Variants in UNC79 observed in about 807,000 individuals in gnomAD.
UNC79 encodes protein unc-79 homolog.
A neutral mutation model predicts 283.1 loss-of-function variants in UNC79; 37 were observed. That is an observed-to-expected ratio of 0.13 (90% CI 0.10 to 0.17). The LOEUF (loss-of-function observed/expected upper bound fraction) is 0.17, where lower values mean the gene tolerates loss of function less well. UNC79 is among the 10% of genes least tolerant of loss of function. The pLI is 1.00. For synonymous variants in UNC79, 1,107 were observed against 1,200.2 expected (o/e 0.92, Z 1.61); for missense variants, 2,272 against 3,211.1 (o/e 0.71, Z 7.07).
intron 1 of UNC79, among the ~76,000 whole-genome samples, chr14:93,380,223 T>C (rs950309769): frequency 6.6e-6 from 1 of 152,202 alleles, no homozygotes; most frequent in East Asian, 1.9e-4. Context: ...AACCAAGATA[T>C]AATATTCAAT....
intron 1 of UNC79, among the ~76,000 whole-genome samples, chr14:93,403,892 T>G (rs1225675804): frequency 6.6e-6 from 1 of 150,914 alleles, no homozygotes; most frequent in Non-Finnish European, 1.5e-5. Context: ...TTTTTTGAGA[T>G]GGAGTGAGCT....
intron 32 of UNC79, among the ~76,000 whole-genome samples, chr14:93,638,766 C>T (rs1047280951): frequency 2.0e-5 from 3 of 152,174 alleles, no homozygotes; most frequent in Non-Finnish European, 4.4e-5. Context: ...TAGGGACTGC[C>T]TTTAACATTG....
intron 40 of UNC79, among the ~76,000 whole-genome samples, chr14:93,666,953 C>T (rs2072269063): frequency 6.6e-6 from 1 of 151,836 alleles, no homozygotes; most frequent in Non-Finnish European, 1.5e-5. Flanking sequence ...AAAAATAAAA[C>T]AATTAGCCAG....
intron 1 of UNC79, among the ~76,000 whole-genome samples, chr14:93,400,750 G>A (rs1290840815): frequency 6.6e-6 from 1 of 152,078 alleles, no homozygotes; most frequent in Non-Finnish European, 1.5e-5. Flanking sequence ...AGAGTGGAGT[G>A]AGAGCAGTAC....
intron 24 of UNC79, among the ~76,000 whole-genome samples, chr14:93,600,202 AAAAC>A (rs2065401019): frequency 1.3e-5 from 2 of 152,330 alleles, no homozygotes; most frequent in African/African-American, 4.8e-5. Flanking sequence ...TTCATCTCAA[AAAAC>A]AAACAAAGAA....
intron 11 of UNC79, among the ~76,000 whole-genome samples, chr14:93,535,253 C>G (rs1187116686): frequency 6.6e-6 from 1 of 152,132 alleles, no homozygotes; most frequent in African/African-American, 2.4e-5. Context: ...TGGGTTGAGG[C>G]CTTTCAAATA....
At chr14:93,525,402 T>G (rs1181623817) in intron 8 of UNC79, among the ~76,000 whole-genome samples, 1 of 151,582 alleles carries the variant, frequency 6.6e-6, no homozygotes, top group East Asian at 1.9e-4. Context: ...TGAGAGGAGA[T>G]TGCACCACTG....
At chr14:93,466,993 T>G in intron 1 of UNC79, 3 of 802,238 alleles carry the variant, frequency 3.7e-6, no homozygotes, top group Non-Finnish European at 4.5e-6. Flanking sequence ...GGAAGTCTCC[T>G]AATTTATGAG....
chr14:93,653,829 G>A (rs753101383), exon 36 of UNC79: 41 of 1,613,940 alleles, frequency 2.5e-5, no homozygotes, highest in South Asian at 1.9e-4. Flanking sequence ...GCATCTTCCC[G>A]CAGCTGTTCC....
At chr14:93,564,727 A>G (rs1281459679) in intron 14 of UNC79, among the ~76,000 whole-genome samples, 2 of 151,800 alleles carry the variant, frequency 1.3e-5, no homozygotes, top group Non-Finnish European at 1.5e-5. Context: ...TAGGTAGTGG[A>G]AAATTACAGT....
chr14:93,354,091 A>C (rs1024733310), intron 1 of UNC79, among the ~76,000 whole-genome samples: 2 of 152,178 alleles, frequency 1.3e-5, no homozygotes, highest in Non-Finnish European at 1.5e-5. Context: ...AAAAAAACTA[A>C]AATTTTAGGC....
intron 7 of UNC79, among the ~76,000 whole-genome samples, chr14:93,508,360 T>G (rs2059653429): frequency 6.6e-6 from 1 of 152,080 alleles, no homozygotes; most frequent in African/African-American, 2.4e-5. Flanking sequence ...CCCTGTTTAT[T>G]AAAAACAGCA....
At chr14:93,482,531 G>A (rs1012652735) in intron 4 of UNC79, among the ~76,000 whole-genome samples, 10 of 152,090 alleles carry the variant, frequency 6.6e-5, no homozygotes, top group East Asian at 3.9e-4. Flanking sequence ...TAGGAGGCCC[G>A]CGTAGAGGTG....
At chr14:93,607,230 G>C (rs750726378) in intron 26 of UNC79, among the ~76,000 whole-genome samples, 1 of 152,130 alleles carries the variant, frequency 6.6e-6, no homozygotes, top group Non-Finnish European at 1.5e-5. Context: ...GCACAATACT[G>C]AACTAATGGT....
At chr14:93,370,685 T>TGG in intron 1 of UNC79, among the ~76,000 whole-genome samples, 1 of 152,230 alleles carries the variant, frequency 6.6e-6, no homozygotes, top group African/African-American at 2.4e-5. Flanking sequence ...GGCAGGAGAA[T>TGG]CACTTGAACC....
rs570167070 is a variant in UNC79, at chr14:93,610,882, A to G, written c.3755-1915A>G. Among the ~76,000 whole-genome samples, 55 of 152,290 alleles carry G rather than the reference A, an allele frequency of 3.6e-4. 2 individuals carry two copies. In the South Asian group the frequency reaches 0.011, roughly 30 times the overall value. ...CACCTCGGCCTCCCAAAGTGCTGGG[A>G]TTACAGATGTGAGCCACTTTGCCCA... On this transcript the variant is annotated intron_variant, in intron 26 of 48. Coordinates refer to ENST00000555664, the Ensembl canonical transcript of UNC79.
At chr14:93,643,669 C>G in exon 34 of UNC79, 1 of 1,612,946 alleles carries the variant, frequency 6.2e-7, no homozygotes, top group African/African-American at 1.3e-5. Flanking sequence ...AGCCCCGCTG[C>G]TGCTGGATAT....
At chr14:93,361,030 A>G (rs1229280515) in intron 1 of UNC79, among the ~76,000 whole-genome samples, 4 of 151,952 alleles carry the variant, frequency 2.6e-5, no homozygotes, top group Non-Finnish European at 5.9e-5. Flanking sequence ...CTTGGTCAAC[A>G]TGGTGAAACC....
Position 93,580,387 on chromosome 14 carries a change from G to T in UNC79, c.2661+11G>T, listed in dbSNP as rs1283001984. ...GAAAGCCGGCTGGTGGTAAGCAGTT[G>T]AAGAAACGAGATGACCCATGTATAA... On this transcript the variant is annotated intron_variant, in intron 19 of 48. Transcript: ENST00000555664. The T allele has an allele frequency of 6.2e-7, 1 of 1,611,334 alleles. No homozygotes were observed. The highest frequency in any genetic ancestry group is 8.5e-7 in the Non-Finnish European group (1 of 1,179,080).
Sources: allele counts gnomAD v4.1 joint callset (sites outside exome capture counted in the v4.1 genomes callset), GRCh38; gene constraint gnomAD v4.1.1; transcripts MANE v1.5; gene names NCBI Gene and HGNC (gene_info 2026-07-23, HGNC 2026-07-21).